The following HACD1 variants were observed in gnomAD, a reference collection of about 807,000 sequenced individuals.
HACD1 encodes the protein very-long-chain (3R)-3-hydroxyacyl-CoA dehydratase 1.
A neutral mutation model predicts 32.0 loss-of-function variants in HACD1; 41 were observed. The observed-to-expected ratio is 1.28, with a 90% CI of 1.00 to 1.66. The LOEUF (loss-of-function observed/expected upper bound fraction) is 1.66. Ranked by LOEUF, HACD1 falls within the 40% of genes most tolerant of loss-of-function variation. HACD1 has a pLI of 0.00. For synonymous variants in HACD1, 142 were observed against 139.0 expected (o/e 1.02, Z -0.15); for missense variants, 396 against 380.1 (o/e 1.04, Z -0.35).
At chr10:17,610,999 C>CTTT (rs71393021) in intron 1 of HACD1, among the ~76,000 whole-genome samples, 54 of 102,992 alleles carry the variant, frequency 5.2e-4, no homozygotes, top group South Asian at 1.2e-3. Context: ...AGGTCCTCTT[C>CTTT]TTTTTTTTTT....
At chr10:17,612,105 C>CAAAAAAAAAAAAA (rs34058469) in intron 1 of HACD1, among the ~76,000 whole-genome samples, 1 of 105,110 alleles carries the variant, frequency 9.5e-6, no homozygotes, top group Non-Finnish European at 1.9e-5. Flanking sequence ...AACTCCATCT[C>CAAAAAAAAAAAAA]AAAAAAAAAA....
At chr10:17,591,976 ATTTTTT>A (rs71393019) in intron 6 of HACD1, among the ~76,000 whole-genome samples, 3 of 96,942 alleles carry the variant, frequency 3.1e-5, no homozygotes, top group African/African-American at 1.3e-4. Flanking sequence ...CCAGCTACTG[ATTTTTT>A]TTTTTTTTTT....
chr10:17,595,552 C>T (rs1444569843), intron 5 of HACD1, among the ~76,000 whole-genome samples: 3 of 152,058 alleles, frequency 2.0e-5, no homozygotes, highest in Non-Finnish European at 4.4e-5. Flanking sequence ...TACTCTAAAT[C>T]CAAAGTCATC....
At position 17,603,653 on chromosome 10, in the gene HACD1, A is replaced by T; in HGVS notation, c.395-5T>A. The T allele has an allele frequency of 6.2e-7, 1 of 1,612,092 alleles. No individual in the cohort carries two copies. Among genetic ancestry groups the T allele is most frequent in the Non-Finnish European group, 8.5e-7 (1 of 1,178,386 alleles). ...TCACAGAAGTAGGTACAATTCCTTA[A>T]AAAGAAAAACAAGTGAACTATTGCC... On this transcript the variant is annotated splice_polypyrimidine_tract_variant and splice_region_variant and intron_variant, in intron 3 of 6. Transcript: ENST00000361271.
At chr10:17,591,342 C>T (rs1280846633) in intron 6 of HACD1, among the ~76,000 whole-genome samples, 1 of 152,106 alleles carries the variant, frequency 6.6e-6, no homozygotes, top group African/African-American at 2.4e-5. Flanking sequence ...GATGCATGCT[C>T]ATTGCCCTCT....
rs1833966585 is a variant in HACD1, at chr10:17,594,301, T to C, written c.688A>G (p.Lys230Glu). Residue 230 changes from lysine (K) to glutamate (E), a missense_variant, in exon 6 of 7, where the codon AAA (lysine) becomes GAA (glutamate). Physicochemically the swap from Lys to Glu is moderately conservative, Grantham distance 56. Coordinates refer to ENST00000361271, the MANE Select transcript of HACD1 (RefSeq NM_014241.4). ...AGTCTTATTGAAAACATTCCTGTTTTCTTCACATGCGGCAAGGCAGCGTAT... is the reference window on the plus strand; with the variant it reads ...AGTCTTATTGAAAACATTCCTGTTTCCTTCACATGCGGCAAGGCAGCGTAT... ...TIYAALPHVK[K>E]TGMFSIRLPN... is the part of the protein sequence containing the mutation. 1 of 1,605,238 alleles carries C rather than the reference T, an allele frequency of 6.2e-7. No individual in the cohort carries two copies. Among genetic ancestry groups the C allele is most frequent in the Middle Eastern group, 1.7e-4 (1 of 6,026 alleles).
intron 1 of HACD1, among the ~76,000 whole-genome samples, chr10:17,616,254 A>G (rs1370503785): frequency 6.7e-6 from 1 of 148,438 alleles, no homozygotes; most frequent in African/African-American, 2.5e-5. Flanking sequence ...AGACCGAGCG[A>G]GACTCCGTCT....
chr10:17,608,285 C>T (rs1834177124), intron 1 of HACD1, among the ~76,000 whole-genome samples: 2 of 152,124 alleles, frequency 1.3e-5, no homozygotes, highest in African/African-American at 4.8e-5. Flanking sequence ...GCCTCAGTCT[C>T]CCAAAGTAAT....
chr10:17,604,133 A>G, intron 1 of HACD1, 86 bp from the exon 2 acceptor site: 1 of 1,039,692 alleles, frequency 9.6e-7, no homozygotes, highest in Non-Finnish European at 1.4e-6. Flanking sequence ...GTTATTCAAA[A>G]TAGTGAAAAG....
At chr10:17,612,191 A>G (rs1201123251) in intron 1 of HACD1, among the ~76,000 whole-genome samples, 1 of 152,112 alleles carries the variant, frequency 6.6e-6, no homozygotes, top group African/African-American at 2.4e-5. Context: ...TTATTACACT[A>G]AGCCACGAAT....
chr10:17,595,294 T>G (rs1439606682), intron 5 of HACD1, among the ~76,000 whole-genome samples: 1 of 152,202 alleles, frequency 6.6e-6, no homozygotes, highest in Non-Finnish European at 1.5e-5. Context: ...TATCCTAAAT[T>G]TTATATCTAA....
intron 6 of HACD1, among the ~76,000 whole-genome samples, chr10:17,592,401 T>C (rs1833940818): frequency 6.6e-6 from 1 of 152,154 alleles, no homozygotes; most frequent in East Asian, 1.9e-4. Context: ...GCAAAGGATT[T>C]AATAAGTAAA....
intron 1 of HACD1, among the ~76,000 whole-genome samples, chr10:17,612,495 A>G (rs1428746386): frequency 6.6e-6 from 1 of 152,206 alleles, no homozygotes; most frequent in East Asian, 1.9e-4. Context: ...AGTAAAATAT[A>G]TTGTACAATC....
At chr10:17,591,028 A>G (rs1380550440) in intron 6 of HACD1, among the ~76,000 whole-genome samples, 1 of 152,080 alleles carries the variant, frequency 6.6e-6, no homozygotes, top group African/African-American at 2.4e-5. Context: ...TACCTTCATA[A>G]TGACCTGGAA....
chr10:17,611,225 C>T (rs1236627781), intron 1 of HACD1, among the ~76,000 whole-genome samples: 1 of 152,138 alleles, frequency 6.6e-6, no homozygotes, highest in South Asian at 2.1e-4. Context: ...TGGTCTCGAT[C>T]TCCTGACCTC....
At chr10:17,609,405 G>A (rs189826127) in intron 1 of HACD1, among the ~76,000 whole-genome samples, 217 of 152,040 alleles carry the variant, frequency 1.4e-3, no homozygotes, top group Non-Finnish European at 2.1e-3. Flanking sequence ...CACTCGCCTC[G>A]CCCTCCTAAA....
chr10:17,609,162 T>G (rs1324131055), intron 1 of HACD1, among the ~76,000 whole-genome samples: 9 of 150,612 alleles, frequency 6.0e-5, no homozygotes, highest in African/African-American at 2.0e-4. Flanking sequence ...AAGGTTTTTT[T>G]TTTTTTTTTT....
In HACD1 at chr10:17,604,011, A is replaced by C. The variant is rs1263725120; in HGVS notation, c.294T>G (p.Tyr98Ter). The part of the protein sequence containing the change: ...LVLAIAMVRF[Y>*]MEKGTHRGLY... The stretch of plus-strand genomic sequence containing the variant: ...AACCTCTGTGTGTTCCTTTTTCCAT[A>C]TAAAAACGTACCATGGCAATAGCTA... Residue 98 changes from tyrosine to a stop codon, truncating the protein, a stop_gained, in exon 2 of 7, where the codon TAT becomes TAG. Coordinates refer to ENST00000361271, the MANE Select transcript of HACD1 (RefSeq NM_014241.4). LOFTEE classifies it high-confidence loss of function. The C allele has an allele frequency of 1.3e-6, 2 of 1,599,648 alleles. No individual in the cohort carries two copies. The highest frequency in any genetic ancestry group is 1.8e-5 in the Admixed American group (1 of 55,618).
At chr10:17,598,543 T>C (rs1270831411) in intron 5 of HACD1, among the ~76,000 whole-genome samples, 1 of 152,184 alleles carries the variant, frequency 6.6e-6, no homozygotes, top group African/African-American at 2.4e-5. Flanking sequence ...ATTTGTTTTG[T>C]TCATACCTAC....
Sources: gnomAD v4.1 joint callset for allele counts (sites outside exome capture counted in the v4.1 genomes callset) on GRCh38, gnomAD v4.1.1 for gene constraint, MANE v1.5 for transcripts, NCBI Gene and HGNC (gene_info 2026-07-23, HGNC 2026-07-21) for gene names.